FRMD6: variants seen among roughly 807,000 people sequenced by gnomAD.
FRMD6 encodes the protein FERM domain containing 6.
Under a neutral mutation model 73.2 loss-of-function variants are expected in FRMD6, and 37 were observed. That is an observed-to-expected ratio of 0.51 (90% CI 0.39 to 0.66). The LOEUF is 0.66. Among genes scored for constraint, FRMD6 ranks in the 30% least tolerant of loss-of-function variants. The probability of loss-of-function intolerance (pLI) is 0.00; values close to 1 mark genes in which losing one functional copy is unlikely to be tolerated. For synonymous variants in FRMD6, 273 were observed against 282.2 expected (o/e 0.97, Z 0.33); for missense variants, 714 against 780.5 (o/e 0.91, Z 1.02).
intron 4 of FRMD6, among the ~76,000 whole-genome samples, 161 bp from the exon 5 acceptor site, chr14:51,702,351 G>C (rs1896374793): frequency 1.3e-5 from 2 of 152,018 alleles, no homozygotes; most frequent in South Asian, 4.1e-4. Context: ...ATCTATATAG[G>C]ACAACTGTCT....
the FRMD6 span, among the ~76,000 whole-genome samples, chr14:51,432,210 G>A: frequency 6.6e-6 from 1 of 152,150 alleles, no homozygotes; most frequent in East Asian, 1.9e-4. Flanking sequence ...TAGCGGAAAT[G>A]CTGCCTTTGG....
the FRMD6 span, among the ~76,000 whole-genome samples, chr14:51,474,265 T>G: frequency 6.6e-6 from 1 of 152,194 alleles, no homozygotes; most frequent in African/African-American, 2.4e-5. Flanking sequence ...AAAGTGAGAA[T>G]AGAGACAGGA....
chr14:51,416,875 T>C, the FRMD6 span, among the ~76,000 whole-genome samples: 1 of 152,204 alleles, frequency 6.6e-6, no homozygotes, highest in East Asian at 1.9e-4. Flanking sequence ...AGTTAGCTCT[T>C]CTTGTTGAAT....
chr14:51,497,538 G>A (rs527931587), intron 1 of FRMD6, among the ~76,000 whole-genome samples: 8 of 152,168 alleles, frequency 5.3e-5, no homozygotes, highest in African/African-American at 1.9e-4. Flanking sequence ...AGCCACATGT[G>A]TGAGTCATAT....
chr14:51,621,093 G>A (rs938688021), intron 2 of FRMD6, among the ~76,000 whole-genome samples: 6 of 151,998 alleles, frequency 3.9e-5, no homozygotes, highest in Non-Finnish European at 8.8e-5. Context: ...ATTTAACCAC[G>A]CCACTGTTTA....
At position 51,728,218 on chromosome 14, in the gene FRMD6, G is replaced by T; in HGVS notation, c.*189G>T. The T allele has an allele frequency of 5.2e-6, 3 of 581,252 alleles. No homozygotes were observed. Among genetic ancestry groups the T allele is most frequent in the Admixed American group, 3.3e-5 (1 of 30,406 alleles). 36.0% of individuals were successfully genotyped at this position (581,252 alleles called of 1,614,324 possible). A position where few individuals can be genotyped will look rare whatever the true frequency, so the allele number is the denominator to read the frequency against. ...CTTTAAGTATTACACAGAAGTAAAA[G>T]AACTACAGAAAATGTACAGCAAGAC... On this transcript the variant is annotated 3_prime_UTR_variant, in exon 14 of 14. Coordinates refer to ENST00000344768, the MANE Select transcript of FRMD6 (RefSeq NM_001267046.2).
chr14:51,431,731 A>G, the FRMD6 span, among the ~76,000 whole-genome samples: 2 of 152,220 alleles, frequency 1.3e-5, no homozygotes, highest in African/African-American at 4.8e-5. Flanking sequence ...TCCAAATTAT[A>G]GATGAATTTA....
At chr14:51,624,943 C>G (rs1284940195) in intron 2 of FRMD6, among the ~76,000 whole-genome samples, 1 of 151,904 alleles carries the variant, frequency 6.6e-6, no homozygotes, top group African/African-American at 2.4e-5. Flanking sequence ...AATTAAACAC[C>G]CTGGGAAAAT....
chr14:51,421,188 T>C, the FRMD6 span, among the ~76,000 whole-genome samples: 1 of 152,176 alleles, frequency 6.6e-6, no homozygotes, highest in Admixed American at 6.5e-5. Context: ...TGACAGCAGC[T>C]ACATTTTGCA....
At chr14:51,675,603 C>A (rs1894332500) in intron 1 of FRMD6, among the ~76,000 whole-genome samples, 1 of 152,182 alleles carries the variant, frequency 6.6e-6, no homozygotes, top group Non-Finnish European at 1.5e-5. Context: ...CTTGTGTAAT[C>A]ACTGCAAAAT....
At chr14:51,672,836 G>C (rs1316031719) in intron 1 of FRMD6, among the ~76,000 whole-genome samples, 1 of 152,094 alleles carries the variant, frequency 6.6e-6, no homozygotes, top group Non-Finnish European at 1.5e-5. Context: ...GCTGGATTTT[G>C]ACAGCTTGGG....
Position 51,727,770 on chromosome 14 carries a change from C to T in FRMD6, c.1610C>T (p.Ser537Phe). Residue 537 changes from serine (S) to phenylalanine (F), a missense_variant, in exon 14 of 14, where the codon TCC (serine) becomes TTC (phenylalanine). By Grantham distance (155) the Ser-to-Phe change is radical (BLOSUM62 -2). Coordinates refer to ENST00000344768, the MANE Select transcript of FRMD6 (RefSeq NM_001267046.2). ...PQTICRKPKT[S>F]TDRHSLSLDD... is the part of the protein sequence containing the mutation. ...ACTATATGTCGGAAACCAAAGACCT[C>T]CACTGATCGACACAGCTTGAGCCTC... The T allele has an allele frequency of 1.9e-6, 3 of 1,607,982 alleles. No homozygotes were observed. The highest frequency in any genetic ancestry group is 2.6e-6 in the Non-Finnish European group (3 of 1,174,824).
chr14:51,700,934 T>TAGA (rs1896269614), intron 3 of FRMD6, 122 bp from the exon 4 acceptor site: 1 of 461,888 alleles, frequency 2.2e-6, no homozygotes, highest in East Asian at 3.4e-5. Context: ...GGTTTTCTAG[T>TAGA]ATGTGCATTC....
At chr14:51,551,736 G>GA (rs201974581) in intron 1 of FRMD6, among the ~76,000 whole-genome samples, 22 of 148,862 alleles carry the variant, frequency 1.5e-4, no homozygotes, top group Non-Finnish European at 2.7e-4. Flanking sequence ...GACCTCTTTA[G>GA]AAAAAAAAAC....
chr14:51,677,340 G>A (rs1385784289), intron 1 of FRMD6, among the ~76,000 whole-genome samples: 3 of 152,020 alleles, frequency 2.0e-5, no homozygotes, highest in African/African-American at 7.2e-5. Flanking sequence ...ATTGCTACTA[G>A]ATAATGAGAA....
rs1896936338 is a variant in FRMD6, at chr14:51,711,386, TG to T, written c.715-143del. 3 of 489,308 alleles carry T rather than the reference TG, an allele frequency of 6.1e-6. No homozygotes were observed. The East Asian group carries it at 9.4e-5, about 15-fold the overall frequency. The allele number at this position is 489,308 out of a possible 1,614,324, so 30.3% of individuals were successfully genotyped here. A position where few individuals can be genotyped will look rare whatever the true frequency, so the allele number is the denominator to read the frequency against. Reference sequence around the variant, plus strand: ...TAATTCTTGTAGGAAACTAGGTATGTGGAAAGGCTTGAGCAAAGTTATTTTA... The same window carrying T: ...TAATTCTTGTAGGAAACTAGGTATGTGAAAGGCTTGAGCAAAGTTATTTTA... On this transcript the variant is annotated intron_variant, in intron 7 of 13. Coordinates refer to ENST00000344768, the MANE Select transcript of FRMD6 (RefSeq NM_001267046.2).
chr14:51,461,178 T>C, the FRMD6 span, among the ~76,000 whole-genome samples: 1 of 152,174 alleles, frequency 6.6e-6, no homozygotes, highest in South Asian at 2.1e-4. Flanking sequence ...ATGAGACATG[T>C]GCTATTTAAA....
intron 2 of FRMD6, among the ~76,000 whole-genome samples, chr14:51,604,556 C>T (rs930144424): frequency 1.6e-4 from 25 of 151,956 alleles, no homozygotes; most frequent in African/African-American, 4.6e-4. Context: ...TAAAAAGAAA[C>T]ACTAAAAAAA....
At chr14:51,652,559 C>G (rs2140098839) in intron 1 of FRMD6, among the ~76,000 whole-genome samples, 1 of 152,366 alleles carries the variant, frequency 6.6e-6, no homozygotes, top group Admixed American at 6.5e-5. Context: ...GACAGCCCGG[C>G]TGCGGGAAGG....
Sources: gnomAD v4.1 joint callset for allele counts (sites outside exome capture counted in the v4.1 genomes callset) on GRCh38, gnomAD v4.1.1 for gene constraint, MANE v1.5 for transcripts, NCBI Gene and HGNC (gene_info 2026-07-23, HGNC 2026-07-21) for gene names.